Variants in FBXL4 observed in about 807,000 individuals in gnomAD.
FBXL4 encodes the protein F-box and leucine rich repeat protein 4, also known as F-box/LRR-repeat protein 4.
Under a neutral mutation model 58.9 loss-of-function variants are expected in FBXL4, and 40 were observed. That is an observed-to-expected ratio of 0.68 (90% CI 0.53 to 0.88). The LOEUF (loss-of-function observed/expected upper bound fraction) is 0.88, where lower values mean the gene tolerates loss of function less well. Ranked by LOEUF, FBXL4 falls within the 40% of genes least tolerant of loss-of-function variation. FBXL4 has a pLI of 0.00. For synonymous variants in FBXL4, 263 were observed against 265.5 expected, an observed-to-expected ratio of 0.99 and a Z score of 0.09; for missense variants, 676 against 734.4, an observed-to-expected ratio of 0.92 and a Z score of 0.92.
intron 7 of FBXL4, among the ~76,000 whole-genome samples, chr6:98,890,754 A>T (rs1337752364): frequency 2.0e-5 from 3 of 152,056 alleles, no homozygotes; most frequent in African/African-American, 7.2e-5. Flanking sequence ...CCCTATCCCT[A>T]CTAAAAGTAT....
rs1771758103 is a variant in FBXL4 at position 98,905,336 on chromosome 6, A to C, written c.1103+90T>G. ...TTATTTTTGTAAGTACATGTTACATAATTTCAAACTTTTATTATGAAAACC... is the reference window on the plus strand; with the variant it reads ...TTATTTTTGTAAGTACATGTTACATCATTTCAAACTTTTATTATGAAAACC... On this transcript the variant is annotated intron_variant, in intron 6 of 9. Coordinates refer to ENST00000369244, the MANE Select transcript of FBXL4 (RefSeq NM_001278716.2). 6 of 1,430,436 alleles carry C rather than the reference A, an allele frequency of 4.2e-6. No homozygotes were observed. In the Admixed American group the frequency reaches 8.5e-5, roughly 20 times the overall value. 88.6% of individuals were successfully genotyped at this position (1,430,436 alleles called of 1,614,324 possible). A position where few individuals can be genotyped will look rare whatever the true frequency, so the allele number is the denominator to read the frequency against.
chr6:98,938,354 T>C (rs1360333194), intron 1 of FBXL4, among the ~76,000 whole-genome samples: 1 of 152,152 alleles, frequency 6.6e-6, no homozygotes, highest in Non-Finnish European at 1.5e-5. Flanking sequence ...ATTAGGGACA[T>C]TGCATTTGGG....
At chr6:98,882,703 C>T (rs1770895638) in intron 7 of FBXL4, among the ~76,000 whole-genome samples, 1 of 151,930 alleles carries the variant, frequency 6.6e-6, no homozygotes, top group South Asian at 2.1e-4. Context: ...CAGAGGTAAC[C>T]TTTATTATGA....
At position 98,874,461 on chromosome 6, in the gene FBXL4, CA is replaced by C. The variant is rs780320433; in HGVS notation, c.1703-21del. On this transcript the variant is annotated intron_variant, in intron 9 of 9. Coordinates refer to ENST00000369244, the MANE Select transcript of FBXL4 (RefSeq NM_001278716.2). ...TTGTTCCTATTTAAGGGAAACAAAACAAAACAAAACAAAACACCTTAAGTAT... is the reference window on the plus strand; with the variant it reads ...TTGTTCCTATTTAAGGGAAACAAAACAAACAAAACAAAACACCTTAAGTAT... The C allele has an allele frequency of 6.3e-7, 1 of 1,592,336 alleles. No individual in the cohort carries two copies. The highest frequency in any genetic ancestry group is 1.1e-5 in the South Asian group (1 of 87,352).
chr6:98,933,619 G>C (rs568076806), intron 2 of FBXL4, among the ~76,000 whole-genome samples: 1 of 151,916 alleles, frequency 6.6e-6, no homozygotes, highest in Non-Finnish European at 1.5e-5. Flanking sequence ...TTATATGTTC[G>C]TATTATTTGC....
At chr6:98,934,586 T>A (rs1773136659) in intron 2 of FBXL4, among the ~76,000 whole-genome samples, 176 bp downstream of exon 2, 1 of 152,210 alleles carries the variant, frequency 6.6e-6, no homozygotes. Context: ...CTTAAAAAAC[T>A]AACATTGAAA....
intron 1 of FBXL4, among the ~76,000 whole-genome samples, chr6:98,946,051 G>A (rs1460265594): frequency 6.6e-6 from 1 of 152,132 alleles, no homozygotes; most frequent in African/African-American, 2.4e-5. Context: ...CACTAAATGT[G>A]TTCATTTCAA....
rs1341331884 is a variant in FBXL4, at chr6:98,899,431, C to T, written c.1154G>A (p.Ser385Asn). The change falls in exon 7 of 10, where the codon AGC becomes AAC. Residue 385 changes from serine (S) to asparagine (N), a missense_variant. Ser to Asn is a conservative substitution (Grantham distance 46). Coordinates refer to ENST00000369244, the MANE Select transcript of FBXL4 (RefSeq NM_001278716.2). ...TAAGCAAGTTTCATTAAGAAAGTGG[C>T]TGCAAGACAATTCAAGGCGTACTAA... is the stretch of plus-strand genomic sequence containing the variant. ...SELVRLELSC[S>N]HFLNETCLEV... 3.1e-6 allele frequency: 5 copies of T among 1,613,900 alleles called. No individual in the cohort carries two copies. Among genetic ancestry groups the T allele is most frequent in the East Asian group, 2.2e-5 (1 of 44,864 alleles).
chr6:98,878,362 C>T (rs1770727992), intron 8 of FBXL4, among the ~76,000 whole-genome samples: 1 of 152,078 alleles, frequency 6.6e-6, no homozygotes, highest in Admixed American at 6.6e-5. Flanking sequence ...TTGTAGCACA[C>T]ACCATTGTAA....
At chr6:98,916,271 G>A (rs1772341620) in intron 5 of FBXL4, among the ~76,000 whole-genome samples, 1 of 152,100 alleles carries the variant, frequency 6.6e-6, no homozygotes, top group African/African-American at 2.4e-5. Context: ...ATTCCTCAGG[G>A]ATCTACAAGT....
chr6:98,918,864 G>C (rs1772472818), intron 4 of FBXL4, among the ~76,000 whole-genome samples: 1 of 152,044 alleles, frequency 6.6e-6, no homozygotes, highest in African/African-American at 2.4e-5. Context: ...TAGTTTCATA[G>C]TGAGCCATAT....
Position 98,927,059 on chromosome 6 carries a change from T to A in FBXL4, c.-71A>T, listed in dbSNP as rs2128405898. 1 of 1,471,376 alleles carries A rather than the reference T, an allele frequency of 6.8e-7. No homozygotes were observed. Among genetic ancestry groups the A allele is most frequent in the East Asian group, 2.3e-5 (1 of 43,912 alleles). 91.1% of individuals were successfully genotyped at this position (1,471,376 alleles called of 1,614,324 possible). A position where few individuals can be genotyped will look rare whatever the true frequency, so the allele number is the denominator to read the frequency against. ...AGATGCATGAACTCTTTGAAGGATG[T>A]TCTAAAAAAATGAATGGCTTGGTGA... On this transcript the variant is annotated splice_region_variant and 5_prime_UTR_variant, in exon 4 of 10. Transcript: ENST00000369244.
In FBXL4 at chr6:98,917,466, C is replaced by T. The variant is rs765912815; in HGVS notation, c.766G>A (p.Gly256Ser). ...TTGTTAAGACTGTCCATTCCACAAC[C>T]ATCCTTTTCTGCATAGGCATCATCT... ...IEDDAYAEKD[G>S]CGMDSLNKKF... is the part of the protein sequence containing the mutation. Residue 256 changes from glycine to serine, a missense_variant, in exon 5 of 10, where the codon GGT (glycine) becomes AGT (serine). Coordinates refer to ENST00000369244, the MANE Select transcript of FBXL4 (RefSeq NM_001278716.2). 1.1e-4 allele frequency: 176 copies of T among 1,613,944 alleles called. No homozygotes were observed. The highest frequency in any genetic ancestry group is 1.4e-4 in the Non-Finnish European group (168 of 1,179,974).
intron 7 of FBXL4, among the ~76,000 whole-genome samples, chr6:98,884,186 T>C (rs1297631616): frequency 1.3e-5 from 2 of 152,098 alleles, no homozygotes; most frequent in Non-Finnish European, 2.9e-5. Flanking sequence ...ATTCTTTATA[T>C]ATATAAATCC....
intron 2 of FBXL4, among the ~76,000 whole-genome samples, chr6:98,929,597 A>G (rs1772932406): frequency 6.6e-6 from 1 of 151,800 alleles, no homozygotes; most frequent in African/African-American, 2.4e-5. Context: ...AGAAAGAAAG[A>G]AAGTCAATGA....
chr6:98,912,701 G>A (rs924678504), intron 5 of FBXL4, among the ~76,000 whole-genome samples: 2 of 151,876 alleles, frequency 1.3e-5, no homozygotes, highest in African/African-American at 2.4e-5. Context: ...AGGCACAACC[G>A]GTACCAGCTG....
intron 1 of FBXL4, among the ~76,000 whole-genome samples, chr6:98,939,896 T>C (rs1773370533): frequency 6.6e-6 from 1 of 152,250 alleles, no homozygotes; most frequent in African/African-American, 2.4e-5. Flanking sequence ...CACACAGCAT[T>C]GGAAGCTGAT....
In FBXL4 at chr6:98,926,203, A is replaced by G. The variant is rs549534153; in HGVS notation, c.512+274T>C. ...ACGTCCCAGAATGGCCCATGTCCCT[A>G]TGAGTTCAAATTGTGCTTTTTGGTT... On this transcript the variant is annotated intron_variant, in intron 4 of 9. Coordinates refer to ENST00000369244, the MANE Select transcript of FBXL4 (RefSeq NM_001278716.2). Among the ~76,000 whole-genome samples, 3 of 152,262 alleles carry G rather than the reference A, an allele frequency of 2.0e-5. No homozygotes were observed. In the East Asian group the frequency reaches 5.8e-4, roughly 29 times the overall value.
At chr6:98,911,182 A>G (rs1427110784) in intron 5 of FBXL4, among the ~76,000 whole-genome samples, 1 of 152,188 alleles carries the variant, frequency 6.6e-6, no homozygotes. Flanking sequence ...CGGGAAGCTC[A>G]AACTGGGTGG....
Sources: allele counts gnomAD v4.1 joint callset (sites outside exome capture counted in the v4.1 genomes callset), GRCh38; gene constraint gnomAD v4.1.1; transcripts MANE v1.5; gene names NCBI Gene and HGNC (gene_info 2026-07-23, HGNC 2026-07-21).